TACR1: variants seen among roughly 807,000 people sequenced by gnomAD.
TACR1 encodes substance-P receptor.
A neutral mutation model predicts 35.8 loss-of-function variants in TACR1; 25 were observed. The observed-to-expected ratio is 0.70, with a 90% confidence interval of 0.51 to 0.98. The LOEUF is 0.98. TACR1 is among the 50% of genes least tolerant of loss of function. The pLI, the probability that TACR1 is intolerant of heterozygous loss-of-function variation, is 0.00. For missense variants in TACR1, 478 were observed against 522.9 expected, an observed-to-expected ratio of 0.91 and a Z score of 0.84; for synonymous variants, 195 against 206.7, an observed-to-expected ratio of 0.94 and a Z score of 0.48.
At chr2:75,054,826 T>C (rs2103785799) in intron 2 of TACR1, among the ~76,000 whole-genome samples, 1 of 152,272 alleles carries the variant, frequency 6.6e-6, no homozygotes, top group South Asian at 2.1e-4. Flanking sequence ...ATAATAATGC[T>C]AATGATAGTA....
chr2:75,136,898 G>T (rs1233752707), intron 1 of TACR1, among the ~76,000 whole-genome samples: 1 of 152,224 alleles, frequency 6.6e-6, no homozygotes. Flanking sequence ...GATGATGGCA[G>T]AGCAGAATGC....
At chr2:75,157,351 G>A (rs982374326) in intron 1 of TACR1, among the ~76,000 whole-genome samples, 6 of 152,126 alleles carry the variant, frequency 3.9e-5, no homozygotes, top group Admixed American at 3.9e-4. Context: ...GTGACTTTGG[G>A]TAGGTACTCA....
intron 2 of TACR1, chr2:75,118,724 G>A (rs1049504270): frequency 1.3e-5 from 2 of 152,224 alleles, no homozygotes; most frequent in East Asian, 3.8e-4. Context: ...AAAGTGATCA[G>A]ATTTTGAAAA....
At chr2:75,186,541 G>A (rs1056203531) in intron 1 of TACR1, among the ~76,000 whole-genome samples, 3 of 150,378 alleles carry the variant, frequency 2.0e-5, no homozygotes, top group Non-Finnish European at 3.0e-5. Context: ...AATATTTTAC[G>A]ATTTATTTAT....
intron 1 of TACR1, among the ~76,000 whole-genome samples, chr2:75,124,808 G>A (rs1247795194): frequency 6.6e-6 from 1 of 152,234 alleles, no homozygotes; most frequent in African/African-American, 2.4e-5. Context: ...TACAGGAAGC[G>A]AAGAGCAGGA....
chr2:75,198,387 T>G (rs1379601588), intron 1 of TACR1, among the ~76,000 whole-genome samples, 159 bp downstream of exon 1: 3 of 152,078 alleles, frequency 2.0e-5, no homozygotes, highest in African/African-American at 7.2e-5. Flanking sequence ...ATACATAAGA[T>G]GAAGTTCCCC....
At chr2:75,076,965 A>G (rs1456365808) in intron 2 of TACR1, among the ~76,000 whole-genome samples, 3 of 152,230 alleles carry the variant, frequency 2.0e-5, no homozygotes, top group East Asian at 1.9e-4. Context: ...TTCACCACAC[A>G]TCTATTATTA....
intron 2 of TACR1, among the ~76,000 whole-genome samples, chr2:75,059,716 A>C (rs1672634686): frequency 2.0e-5 from 3 of 152,182 alleles, no homozygotes; most frequent in African/African-American, 7.2e-5. Flanking sequence ...TGGTCCTGCA[A>C]ATGCAAGGTG....
In TACR1 at chr2:75,089,854, A is replaced by G. The variant is rs563571952; in HGVS notation, c.584+30720T>C. Among the ~76,000 whole-genome samples, 5 of 152,266 alleles carry G rather than the reference A, an allele frequency of 3.3e-5. No homozygotes were observed. The South Asian group carries it at 1.0e-3, about 32-fold the overall frequency. ...CCCCATGTCCTCTCAACCCAGCCAA[A>G]CCATAGTACATTACAAAGGTTTTAC... On this transcript the variant is annotated intron_variant, in intron 2 of 4. Transcript: ENST00000305249.
intron 3 of TACR1, among the ~76,000 whole-genome samples, chr2:75,051,678 C>T (rs181998583): frequency 3.3e-5 from 5 of 152,350 alleles, no homozygotes; most frequent in Admixed American, 1.3e-4. Flanking sequence ...ACCATCCCCT[C>T]AGAGCTTGTT....
At chr2:75,075,679 G>T (rs1490181985) in intron 2 of TACR1, among the ~76,000 whole-genome samples, 1 of 151,416 alleles carries the variant, frequency 6.6e-6, no homozygotes, top group African/African-American at 2.5e-5. Context: ...AAAGGACAGG[G>T]ATGATAAGAA....
chr2:75,188,191 G>T (rs1048696912), intron 1 of TACR1: 1 of 152,178 alleles, frequency 6.6e-6, no homozygotes, highest in Non-Finnish European at 1.5e-5. Context: ...CTATTTAGAA[G>T]AGTATCTCAG....
intron 1 of TACR1, among the ~76,000 whole-genome samples, chr2:75,170,261 G>T (rs1675244956): frequency 6.6e-6 from 1 of 152,074 alleles, no homozygotes; most frequent in African/African-American, 2.4e-5. Context: ...AGATATGATG[G>T]TTTTATAAAG....
chr2:75,125,217 T>C (rs180931214), intron 1 of TACR1, among the ~76,000 whole-genome samples: 1 of 152,248 alleles, frequency 6.6e-6, no homozygotes, highest in Admixed American at 6.5e-5. Flanking sequence ...GGAGTCTCGC[T>C]CTGTTGCCCA....
Position 75,077,882 on chromosome 2 carries a change from C to G in TACR1, c.585-24127G>C, listed in dbSNP as rs146658999. Among the ~76,000 whole-genome samples the G allele has an allele frequency of 3.3e-5, 5 of 152,292 alleles. No homozygotes were observed. The South Asian group carries it at 6.2e-4, about 19-fold the overall frequency. On this transcript the variant is annotated intron_variant, in intron 2 of 4. Coordinates refer to ENST00000305249, the MANE Select transcript of TACR1 (RefSeq NM_001058.4). ...CTCCAATTTCCCAATTTTAGTCAGT[C>G]CAAGCTCTGTGTTCATCTCATTTTC...
chr2:75,176,438 CCTTCAATCTCCTTTAAAA>C (rs1389056442), intron 1 of TACR1, among the ~76,000 whole-genome samples: 1 of 151,820 alleles, frequency 6.6e-6, no homozygotes, highest in South Asian at 2.1e-4. Flanking sequence ...TGTTTTACTC[CCTTCAATCTCCTTTAAAA>C]CTTCAATCTC....
intron 1 of TACR1, among the ~76,000 whole-genome samples, chr2:75,146,549 A>G (rs932118374): frequency 3.9e-5 from 6 of 152,206 alleles, no homozygotes; most frequent in Admixed American, 2.0e-4. Context: ...CTTCTAGGAG[A>G]TTACTGGTCA....
At chr2:75,088,253 G>A (rs1270245736) in intron 2 of TACR1, among the ~76,000 whole-genome samples, 1 of 152,080 alleles carries the variant, frequency 6.6e-6, no homozygotes, top group Non-Finnish European at 1.5e-5. Context: ...TCCTTGATCA[G>A]GTCCTGCTGT....
chr2:75,198,113 G>A (rs748678643), intron 1 of TACR1, among the ~76,000 whole-genome samples: 9 of 152,296 alleles, frequency 5.9e-5, no homozygotes, highest in Non-Finnish European at 1.0e-4. Flanking sequence ...GGCAACAAGA[G>A]GCTGTCTGAC....
Sources: allele counts gnomAD v4.1 joint callset (sites outside exome capture counted in the v4.1 genomes callset), GRCh38; gene constraint gnomAD v4.1.1; transcripts MANE v1.5; gene names NCBI Gene and HGNC (gene_info 2026-07-23, HGNC 2026-07-21).